CIT: variants seen among roughly 807,000 people sequenced by gnomAD.
The protein encoded by CIT is citron rho-interacting serine/threonine kinase, also known as citron Rho-interacting kinase.
CIT carries 79 observed loss-of-function variants against 272.7 expected under a neutral mutation model. That is an observed-to-expected ratio of 0.29 (90% CI 0.24 to 0.35). The LOEUF (loss-of-function observed/expected upper bound fraction) is 0.35, where lower values mean the gene tolerates loss of function less well. Ranked by LOEUF, CIT falls within the 10% of genes least tolerant of loss-of-function variation. The pLI is 1.00. For missense variants in CIT, 1,909 were observed against 2,618.3 expected (o/e 0.73, Z 5.91); for synonymous variants, 948 against 995.6 (o/e 0.95, Z 0.90).
At chr12:119,779,017 C>A (rs1328185387) in intron 13 of CIT, among the ~76,000 whole-genome samples, 1 of 152,110 alleles carries the variant, frequency 6.6e-6, no homozygotes, top group Non-Finnish European at 1.5e-5. Context: ...GTTAGGAGTT[C>A]AAGACCAGCC....
intron 10 of CIT, among the ~76,000 whole-genome samples, chr12:119,797,897 A>T (rs1366074991): frequency 6.6e-6 from 1 of 152,248 alleles, no homozygotes; most frequent in Non-Finnish European, 1.5e-5. Flanking sequence ...AGTCATCAAC[A>T]AAATGAGAGT....
At chr12:119,802,787 A>G (rs911129702) in intron 10 of CIT, among the ~76,000 whole-genome samples, 4 of 152,338 alleles carry the variant, frequency 2.6e-5, no homozygotes, top group South Asian at 2.1e-4. Flanking sequence ...TTCTTTATAC[A>G]GCCAAGATAG....
intron 41 of CIT, among the ~76,000 whole-genome samples, chr12:119,702,411 C>T (rs980821171): frequency 6.6e-6 from 1 of 152,120 alleles, no homozygotes; most frequent in Non-Finnish European, 1.5e-5. Context: ...CCAGGCTGGG[C>T]GCAGTAGCTT....
At chr12:119,843,186 T>C (rs149152106) in intron 5 of CIT, among the ~76,000 whole-genome samples, 208 of 152,100 alleles carry the variant, frequency 1.4e-3, no homozygotes, top group African/African-American at 4.8e-3. Flanking sequence ...GTTCAGGATG[T>C]TAAGGTAGAA....
rs531993528 is a variant in CIT at position 119,712,429 on chromosome 12, T to C, written c.4685-82A>G. On this transcript the variant is annotated intron_variant, in intron 36 of 47. Transcript: ENST00000392521. The surrounding 1 kb of genome is among the most constrained non-coding windows in gnomAD (Gnocchi z 5.2). ...AGGGACGGGCCTGAGAGATCAAAGA[T>C]GCCCACCAAACCACGCAAATCCCAG... The C allele has an allele frequency of 8.9e-5, 132 of 1,487,366 alleles. No homozygotes were observed. The African/African-American group carries it at 1.4e-3, about 16-fold the overall frequency. 92.1% of individuals were successfully genotyped at this position (1,487,366 alleles called of 1,614,324 possible).
intron 3 of CIT, among the ~76,000 whole-genome samples, chr12:119,862,795 G>A (rs1950382508): frequency 1.3e-5 from 1 of 74,542 alleles, no homozygotes; most frequent in Non-Finnish European, 2.4e-5. Context: ...GGGTGACAGA[G>A]CAAGACTCTA....
At chr12:119,844,439 G>A (rs1381438788) in intron 5 of CIT, among the ~76,000 whole-genome samples, 1 of 152,036 alleles carries the variant, frequency 6.6e-6, no homozygotes, top group East Asian at 1.9e-4. Flanking sequence ...AATGAATAAA[G>A]ACTAAAAAGA....
intron 6 of CIT, among the ~76,000 whole-genome samples, chr12:119,833,200 G>C (rs1210702107): frequency 6.6e-6 from 1 of 152,112 alleles, no homozygotes; most frequent in Non-Finnish European, 1.5e-5. Context: ...GGAAAACTAA[G>C]GCCAAAAGGA....
intron 28 of CIT, among the ~76,000 whole-genome samples, chr12:119,722,014 G>A (rs1957833431): frequency 6.6e-6 from 1 of 152,066 alleles, no homozygotes. Context: ...TACAACGTTG[G>A]GGGAAAAGAA....
intron 28 of CIT, 75 bp from the exon 29 acceptor site, chr12:119,721,524 A>C (rs937959772): frequency 3.2e-5 from 44 of 1,368,718 alleles, no homozygotes; most frequent in Non-Finnish European, 4.0e-5. Context: ...TTCCTATTTC[A>C]AACTAATTTC....
Position 119,690,001 on chromosome 12 carries a change from A to C in CIT, c.6186+150T>G. On this transcript the variant is annotated intron_variant, in intron 47 of 47. Transcript: ENST00000392521. This position sits in a 1 kb window ranked among gnomAD's most constrained non-coding sequence, Gnocchi z 6.0. ...GCCAGGAAGCTATTTCTTAAGGTAC[A>C]TTTTCTTCCTAAATTCCTGTGTCTC... is the stretch of plus-strand genomic sequence containing the variant. The C allele has an allele frequency of 1.3e-6, 1 of 771,314 alleles. No homozygotes were observed. The allele number at this position is 771,314 out of a possible 1,614,324, so 47.8% of individuals were successfully genotyped here. A position where few individuals can be genotyped will look rare whatever the true frequency, so the allele number is the denominator to read the frequency against.
intron 25 of CIT, 89 bp downstream of exon 25, chr12:119,735,071 G>A: frequency 2.4e-6 from 3 of 1,268,566 alleles, no homozygotes; most frequent in Non-Finnish European, 2.3e-6. Context: ...GAGGTTCAGT[G>A]TTGGAACCCT....
chr12:119,846,792 C>G (rs577055676), intron 5 of CIT, among the ~76,000 whole-genome samples: 1 of 151,672 alleles, frequency 6.6e-6, no homozygotes, highest in South Asian at 2.1e-4. Context: ...GTTGTCCCAG[C>G]TAATCAGGAA....
At chr12:119,721,258 C>T (rs550509342) in intron 29 of CIT, 51 bp downstream of exon 29, 41 of 1,530,976 alleles carry the variant, frequency 2.7e-5, no homozygotes, top group Non-Finnish European at 3.5e-5. Flanking sequence ...TGAGCCACTG[C>T]GCCCAGCCGT....
At chr12:119,809,441 T>C (rs1030561534) in intron 9 of CIT, among the ~76,000 whole-genome samples, 7 of 152,218 alleles carry the variant, frequency 4.6e-5, no homozygotes, top group African/African-American at 1.7e-4. Flanking sequence ...TTATGAGATA[T>C]ATATATACAT....
At chr12:119,767,743 TATA>T (rs1438284692) in intron 18 of CIT, among the ~76,000 whole-genome samples, 1 of 152,192 alleles carries the variant, frequency 6.6e-6, no homozygotes, top group African/African-American at 2.4e-5. Context: ...GTGCATGTGA[TATA>T]ATGTTCATAT....
chr12:119,797,862 A>G (rs1339437957), intron 10 of CIT, among the ~76,000 whole-genome samples: 2 of 152,240 alleles, frequency 1.3e-5, no homozygotes, highest in Non-Finnish European at 2.9e-5. Context: ...TACAAAATGT[A>G]GATGTGAATA....
chr12:119,780,766 T>C (rs945261824), intron 13 of CIT, among the ~76,000 whole-genome samples: 3 of 152,252 alleles, frequency 2.0e-5, no homozygotes, highest in Non-Finnish European at 4.4e-5. Context: ...GCAAACATCC[T>C]GCTCTCACAA....
At chr12:119,704,851 G>C (rs1249034912) in intron 40 of CIT, among the ~76,000 whole-genome samples, 1 of 152,202 alleles carries the variant, frequency 6.6e-6, no homozygotes, top group Non-Finnish European at 1.5e-5. Flanking sequence ...CTTGTGAGGA[G>C]GGAGAAGACA....
Sources: gnomAD v4.1 joint callset for allele counts (sites outside exome capture counted in the v4.1 genomes callset) on GRCh38, gnomAD v4.1.1 for gene constraint, Gnocchi (gnomAD v3.1) non-coding constraint, MANE v1.5 for transcripts, NCBI Gene and HGNC (gene_info 2026-07-23, HGNC 2026-07-21) for gene names.